TRIO: variants seen among roughly 807,000 people sequenced by gnomAD.
The protein encoded by TRIO is triple functional domain protein.
Under a neutral mutation model 351.9 loss-of-function variants are expected in TRIO, and 58 were observed. The observed-to-expected ratio is 0.16, with a 90% confidence interval of 0.13 to 0.21. The LOEUF (loss-of-function observed/expected upper bound fraction) is 0.21, where lower values mean the gene tolerates loss of function less well. Ranked by LOEUF, TRIO falls within the 10% of genes least tolerant of loss-of-function variation. TRIO has a pLI of 1.00. For missense variants in TRIO, 3,201 were observed against 4,027.8 expected, an observed-to-expected ratio of 0.79 and a Z score of 5.56; for synonymous variants, 1,758 against 1,595.7, an observed-to-expected ratio of 1.10 and a Z score of -2.42.
Position 14,399,190 on chromosome 5 carries a change from A to G in TRIO, c.4614+120A>G, listed in dbSNP as rs1454139596. 5.2e-6 allele frequency: 5 copies of G among 965,788 alleles called. No homozygotes were observed. The East Asian group carries it at 7.6e-5, about 15-fold the overall frequency. 59.8% of individuals were successfully genotyped at this position (965,788 alleles called of 1,614,324 possible). A position where few individuals can be genotyped will look rare whatever the true frequency, so the allele number is the denominator to read the frequency against. On this transcript the variant is annotated intron_variant, in intron 30 of 56. Coordinates refer to ENST00000344204, the MANE Select transcript of TRIO (RefSeq NM_007118.4). ...CTCCCAATCTGTCCTGAAATGTTCA[A>G]GTCTGAATTGTGGTAGGGTTTTCAT...
chr5:14,329,341 G>A (rs1740694060), intron 9 of TRIO, among the ~76,000 whole-genome samples: 1 of 152,208 alleles, frequency 6.6e-6, no homozygotes. Context: ...CAGAAGAGGT[G>A]GGGCTTCCAG....
chr5:14,325,620 G>T (rs1468539788), intron 9 of TRIO, among the ~76,000 whole-genome samples: 2 of 152,202 alleles, frequency 1.3e-5, no homozygotes, highest in African/African-American at 4.8e-5. Context: ...TCATATTGCA[G>T]TGTGGGACTT....
chr5:14,469,012 A>G (rs1030944019), intron 37 of TRIO, among the ~76,000 whole-genome samples: 5 of 152,204 alleles, frequency 3.3e-5, no homozygotes, highest in African/African-American at 1.2e-4. Context: ...CAATAGAGTA[A>G]TAGTTCCCTG....
chr5:14,393,909 A>T (rs980680333), intron 27 of TRIO, 129 bp from the exon 28 acceptor site: 1 of 520,330 alleles, frequency 1.9e-6, no homozygotes, highest in Non-Finnish European at 3.3e-6. Flanking sequence ...TAGGAAAAGG[A>T]AACTTTATTA....
intron 34 of TRIO, among the ~76,000 whole-genome samples, chr5:14,443,789 A>T (rs531773374): frequency 1.6e-3 from 250 of 152,344 alleles, no homozygotes; most frequent in African/African-American, 5.6e-3. Context: ...CTGCTAAGCG[A>T]TTGTTAAGAA....
Position 14,280,388 on chromosome 5 carries a change from G to T in TRIO, c.299G>T (p.Arg100Leu). 1.2e-6 allele frequency: 2 copies of T among 1,614,084 alleles called. No individual in the cohort carries two copies. Among genetic ancestry groups the T allele is most frequent in the East Asian group, 2.2e-5 (1 of 44,888 alleles). Residue 100 changes from arginine (R) to leucine (L), a missense_variant, in exon 3 of 57, where the codon CGA becomes CTA. This residue lies in a region of TRIO where 109 missense variants were observed against 134.6 expected (regional missense o/e 0.81). Coordinates refer to ENST00000344204, the MANE Select transcript of TRIO (RefSeq NM_007118.4). ...GCCCGCAGCAATCATGACAGAATAC[G>T]ACAGGAGGATCTCAGGAGACTCATT... The part of the protein sequence containing the change: ...FPARSNHDRI[R>L]QEDLRRLISY...
At chr5:14,248,690 A>T (rs1225599522) in intron 1 of TRIO, among the ~76,000 whole-genome samples, 1 of 152,136 alleles carries the variant, frequency 6.6e-6, no homozygotes, top group East Asian at 1.9e-4. Flanking sequence ...AGGAACTGCT[A>T]CCCTGGGCTG....
intron 1 of TRIO, among the ~76,000 whole-genome samples, chr5:14,266,243 G>A (rs555107117): frequency 1.3e-5 from 2 of 152,028 alleles, no homozygotes; most frequent in African/African-American, 2.4e-5. Context: ...TCGTATTTTA[G>A]TAGAGATGGG....
chr5:14,385,804 C>A (rs1746491983), intron 21 of TRIO, among the ~76,000 whole-genome samples: 1 of 152,134 alleles, frequency 6.6e-6, no homozygotes, highest in South Asian at 2.1e-4. Context: ...TTTATCACAC[C>A]ATTCAGTTGC....
At chr5:14,301,911 G>A (rs1221686726) in intron 7 of TRIO, among the ~76,000 whole-genome samples, 1 of 152,218 alleles carries the variant, frequency 6.6e-6, no homozygotes, top group Non-Finnish European at 1.5e-5. Context: ...ATGATGCTGT[G>A]CAAAACCCTC....
At chr5:14,151,456 CTT>C (rs1410635796) in intron 1 of TRIO, among the ~76,000 whole-genome samples, 2 of 151,846 alleles carry the variant, frequency 1.3e-5, no homozygotes, top group Non-Finnish European at 2.9e-5. Flanking sequence ...AAATACCCCT[CTT>C]TGGATTTCTG....
At chr5:14,414,446 T>A (rs1749469654) in intron 33 of TRIO, among the ~76,000 whole-genome samples, 2 of 152,312 alleles carry the variant, frequency 1.3e-5, no homozygotes, top group Admixed American at 1.3e-4. Context: ...CACACTCAAG[T>A]CTTCCGAGAT....
chr5:14,226,725 C>G (rs755884347), intron 1 of TRIO, among the ~76,000 whole-genome samples: 1 of 152,194 alleles, frequency 6.6e-6, no homozygotes, highest in Non-Finnish European at 1.5e-5. Context: ...CCTGTTTAGT[C>G]AATTGCCTTG....
chr5:14,216,739 A>C (rs749703819), intron 1 of TRIO, among the ~76,000 whole-genome samples: 11 of 152,340 alleles, frequency 7.2e-5, no homozygotes, highest in Admixed American at 2.6e-4. Flanking sequence ...TTATAGTTTA[A>C]CATGATTCAG....
intron 1 of TRIO, among the ~76,000 whole-genome samples, chr5:14,199,846 C>T (rs1790997146): frequency 6.6e-6 from 1 of 152,172 alleles, no homozygotes; most frequent in Non-Finnish European, 1.5e-5. Context: ...GGAAGTAAGG[C>T]TGTACCTATT....
chr5:14,195,920 T>C lies in TRIO; in HGVS notation c.157+52038T>C, dbSNP rs1383386440. Among the ~76,000 whole-genome samples, 3 of 152,176 alleles carry C rather than the reference T, an allele frequency of 2.0e-5. No homozygotes were observed. The East Asian group carries it at 5.8e-4, about 29-fold the overall frequency. ...GGGTGGGGAGAGGCGCAGTTGTGGA[T>C]TGTTTTACTAGATTTTATCCAGCTT... On this transcript the variant is annotated intron_variant, in intron 1 of 56. Transcript: ENST00000344204.
intron 8 of TRIO, among the ~76,000 whole-genome samples, chr5:14,307,544 T>C (rs1350834437): frequency 3.9e-5 from 6 of 152,216 alleles, no homozygotes; most frequent in Non-Finnish European, 8.8e-5. Flanking sequence ...TGCATGTCCT[T>C]CTCTGGGTGT....
intron 8 of TRIO, among the ~76,000 whole-genome samples, chr5:14,308,369 C>A (rs1269326535): frequency 7.2e-6 from 1 of 139,460 alleles, no homozygotes; most frequent in Non-Finnish European, 1.6e-5. Context: ...ACCACCCATT[C>A]ATCTGTCCAT....
intron 34 of TRIO, among the ~76,000 whole-genome samples, chr5:14,456,867 T>C (rs1020865338): frequency 2.0e-5 from 3 of 152,224 alleles, no homozygotes; most frequent in Non-Finnish European, 2.9e-5. Flanking sequence ...ATAATAGATA[T>C]GTTATTTCAT....
Sources: gnomAD v4.1 joint callset for allele counts (sites outside exome capture counted in the v4.1 genomes callset) on GRCh38, gnomAD v4.1.1 for gene constraint, gnomAD v4.1.1 regional missense constraint, MANE v1.5 for transcripts, NCBI Gene and HGNC (gene_info 2026-07-23, HGNC 2026-07-21) for gene names.